The following RBMS1 variants were observed in gnomAD, a reference collection of about 807,000 sequenced individuals.
The protein encoded by RBMS1 is RNA-binding motif, single-stranded-interacting protein 1.
A neutral mutation model predicts 62.3 loss-of-function variants in RBMS1; 17 were observed. The observed-to-expected ratio is 0.27, with a 90% CI of 0.19 to 0.41. The LOEUF (loss-of-function observed/expected upper bound fraction) is 0.41, where lower values mean the gene tolerates loss of function less well. RBMS1 is among the 10% of genes least tolerant of loss of function. The pLI, the probability that RBMS1 is intolerant of heterozygous loss-of-function variation, is 1.00. For missense variants in RBMS1, 334 were observed against 504.5 expected (o/e 0.66, Z 3.24); for synonymous variants, 172 against 170.0 (o/e 1.01, Z -0.09).
intron 1 of RBMS1, among the ~76,000 whole-genome samples, chr2:160,439,020 AC>A (rs1400149920): frequency 1.5e-5 from 2 of 136,676 alleles, no homozygotes; most frequent in Non-Finnish European, 3.2e-5. Flanking sequence ...CGGGGGGCTG[AC>A]CCCCCAATCT....
At chr2:160,374,475 A>G (rs1005960133) in intron 1 of RBMS1, among the ~76,000 whole-genome samples, 1 of 152,196 alleles carries the variant, frequency 6.6e-6, no homozygotes, top group Admixed American at 6.5e-5. Context: ...GGAAGAACCT[A>G]AAAAGCAAGG....
At chr2:160,324,681 G>A (rs1403335781) in intron 2 of RBMS1, among the ~76,000 whole-genome samples, 1 of 151,834 alleles carries the variant, frequency 6.6e-6, no homozygotes, top group Non-Finnish European at 1.5e-5. Context: ...AAGACGCTGT[G>A]CCTATGTATA....
chr2:160,471,942 A>T (rs1684940879), intron 1 of RBMS1, among the ~76,000 whole-genome samples: 1 of 151,936 alleles, frequency 6.6e-6, no homozygotes, highest in African/African-American at 2.4e-5. Flanking sequence ...GCACTCAATC[A>T]TTCAAGTATC....
At chr2:160,470,489 T>C (rs1684870887) in intron 1 of RBMS1, among the ~76,000 whole-genome samples, 2 of 152,224 alleles carry the variant, frequency 1.3e-5, no homozygotes, top group African/African-American at 4.8e-5. Flanking sequence ...ATCACTATCA[T>C]TACTATCGTT....
intron 1 of RBMS1, among the ~76,000 whole-genome samples, chr2:160,409,338 C>T (rs192062563): frequency 1.9e-4 from 28 of 148,972 alleles, no homozygotes; most frequent in Non-Finnish European, 3.4e-4. Flanking sequence ...GCACAATGGA[C>T]GAGTAAGAAC....
intron 2 of RBMS1, among the ~76,000 whole-genome samples, chr2:160,353,063 C>T (rs1276876892): frequency 6.6e-6 from 1 of 151,936 alleles, no homozygotes; most frequent in African/African-American, 2.4e-5. Context: ...GTCATACAAC[C>T]AAAACAAAAT....
chr2:160,293,454 T>C (rs928981352), intron 6 of RBMS1, among the ~76,000 whole-genome samples: 1 of 152,200 alleles, frequency 6.6e-6, no homozygotes, highest in African/African-American at 2.4e-5. Flanking sequence ...CAGACACATA[T>C]GCACTTCATT....
intron 2 of RBMS1, among the ~76,000 whole-genome samples, chr2:160,358,984 A>C (rs768950142): frequency 1.3e-5 from 2 of 152,184 alleles, no homozygotes; most frequent in Non-Finnish European, 2.9e-5. Flanking sequence ...ACAATACAAT[A>C]TAATATAGCT....
Position 160,337,173 on chromosome 2 carries a change from G to A in RBMS1, c.252-18946C>T, listed in dbSNP as rs1486901652. ...TTTTGAGCCAGAGTCTCGCTCTATC[G>A]CCCAGGCTGGAGTGCAATGGCATGA... On this transcript the variant is annotated intron_variant, in intron 2 of 13. Coordinates refer to ENST00000348849, the MANE Select transcript of RBMS1 (RefSeq NM_016836.4). Among the ~76,000 whole-genome samples, 6 of 138,588 alleles carry A rather than the reference G, an allele frequency of 4.3e-5. No individual in the cohort carries two copies. The East Asian group carries it at 6.3e-4, about 14-fold the overall frequency. 90.9% of individuals were successfully genotyped at this position (138,588 alleles called of 152,430 possible).
At chr2:160,493,171 C>T in intron 1 of RBMS1, 118 bp downstream of exon 1, 1 of 1,020,318 alleles carries the variant, frequency 9.8e-7, no homozygotes, top group Non-Finnish European at 1.4e-6. Context: ...AGCAACCTTC[C>T]AGCAACTCCG....
At chr2:160,277,657 A>G (rs1687907114) in intron 11 of RBMS1, 3 of 323,322 alleles carry the variant, frequency 9.3e-6, no homozygotes, top group South Asian at 4.9e-5. Flanking sequence ...TGAAGATAAA[A>G]AAGTTTGTCA....
chr2:160,462,057 A>G (rs542507645), intron 1 of RBMS1, among the ~76,000 whole-genome samples: 2 of 151,956 alleles, frequency 1.3e-5, no homozygotes, highest in Non-Finnish European at 2.9e-5. Flanking sequence ...AGTTATTACT[A>G]TTGTTTTCAG....
intron 1 of RBMS1, among the ~76,000 whole-genome samples, chr2:160,376,466 A>T (rs890801352): frequency 5.3e-5 from 8 of 152,112 alleles, no homozygotes; most frequent in African/African-American, 1.9e-4. Context: ...CACTGAGAAA[A>T]TTTTTTGAAT....
intron 1 of RBMS1, among the ~76,000 whole-genome samples, chr2:160,492,089 G>C (rs1685856317): frequency 6.6e-6 from 1 of 152,156 alleles, no homozygotes; most frequent in Non-Finnish European, 1.5e-5. Context: ...GAGATTCTTT[G>C]TACCAGGCCG....
In RBMS1 at chr2:160,367,168, T is replaced by C. The variant is rs745464155; in HGVS notation, c.251+48A>G. On this transcript the variant is annotated intron_variant, in intron 2 of 13. Transcript: ENST00000348849. ...CAGTATATATCACTCTATAATATGA[T>C]CAAGAAAATACTTAGCAGCTAAAAT... 3.8e-6 allele frequency: 6 copies of C among 1,562,778 alleles called. No individual in the cohort carries two copies. In the East Asian group the frequency reaches 9.0e-5, roughly 23 times the overall value.
chr2:160,438,717 C>T (rs912778682), intron 1 of RBMS1, among the ~76,000 whole-genome samples: 6 of 152,366 alleles, frequency 3.9e-5, no homozygotes, highest in South Asian at 2.1e-4. Flanking sequence ...CCTTTCCCCC[C>T]TTTCTATTCC....
At chr2:160,299,652 G>T (rs1689112505) in intron 6 of RBMS1, among the ~76,000 whole-genome samples, 2 of 152,192 alleles carry the variant, frequency 1.3e-5, no homozygotes, top group Non-Finnish European at 2.9e-5. Flanking sequence ...TAAGAAAGGG[G>T]ACTGATAAGA....
chr2:160,424,013 G>A (rs2105274055), intron 1 of RBMS1, among the ~76,000 whole-genome samples: 1 of 149,274 alleles, frequency 6.7e-6, no homozygotes, highest in South Asian at 2.1e-4. Flanking sequence ...AAGAAAAAAA[G>A]TGCCATTTCT....
intron 2 of RBMS1, among the ~76,000 whole-genome samples, chr2:160,337,675 C>A (rs546218004): frequency 8.3e-4 from 126 of 152,066 alleles, no homozygotes; most frequent in Admixed American, 2.1e-3. Context: ...GGGAGGGGAA[C>A]CACATATTTA....
Sources: allele counts gnomAD v4.1 joint callset (sites outside exome capture counted in the v4.1 genomes callset), GRCh38; gene constraint gnomAD v4.1.1; transcripts MANE v1.5; gene names NCBI Gene and HGNC (gene_info 2026-07-23, HGNC 2026-07-21).